Variants in NWD1 observed in about 807,000 individuals in gnomAD.
The protein encoded by NWD1 is NACHT domain- and WD repeat-containing protein 1.
A neutral mutation model predicts 135.1 loss-of-function variants in NWD1; 129 were observed. That is an observed-to-expected ratio of 0.96 (90% CI 0.83 to 1.11). The LOEUF is 1.11. Among genes scored for constraint, NWD1 ranks in the 50% least tolerant of loss-of-function variants. The pLI, the probability that NWD1 is intolerant of heterozygous loss-of-function variation, is 0.00. For synonymous variants in NWD1, 773 were observed against 786.0 expected, an observed-to-expected ratio of 0.98 and a Z score of 0.28; for missense variants, 1,740 against 1,851.3, an observed-to-expected ratio of 0.94 and a Z score of 1.10.
chr19:16,800,379 C>A (rs989100239), intron 17 of NWD1, among the ~76,000 whole-genome samples: 6 of 152,004 alleles, frequency 3.9e-5, no homozygotes, highest in Non-Finnish European at 7.4e-5. Context: ...ACTAAAAATA[C>A]AAAAGTTAGC....
Position 16,799,948 on chromosome 19 carries a change from G to A in NWD1, c.3522G>A (p.Val1174=), listed in dbSNP as rs1206379273. The A allele has an allele frequency of 2.5e-6, 4 of 1,614,028 alleles. No homozygotes were observed. The highest frequency in any genetic ancestry group is 3.3e-5 in the Admixed American group (2 of 59,994). The change falls in exon 17 of 19, where the codon GTG becomes GTA. Residue 1174 remains valine, a synonymous_variant. Coordinates refer to ENST00000524140, the MANE Select transcript of NWD1 (RefSeq NM_001007525.5). Reference sequence around the variant, plus strand: ...TCCTGGAAGGCGTCGGGGCCCCCGTGAGCCTGCTGGCCCGCGGCGGGGCTT... The same window carrying A: ...TCCTGGAAGGCGTCGGGGCCCCCGTAAGCCTGCTGGCCCGCGGCGGGGCTT... ...LDILEGVGAP[V]SLLARGGALV...
intron 11 of NWD1, among the ~76,000 whole-genome samples, chr19:16,776,837 G>A (rs1257145682): frequency 2.0e-5 from 3 of 146,984 alleles, no homozygotes; most frequent in Admixed American, 6.8e-5. Context: ...AGCTACTCAG[G>A]AGGCTAAGAT....
intron 10 of NWD1, 95 bp downstream of exon 10, chr19:16,765,287 A>G: frequency 8.1e-7 from 1 of 1,240,714 alleles, no homozygotes. Context: ...ATTTTCATCA[A>G]TTCTCATACC....
At position 16,786,106 on chromosome 19, in the gene NWD1, T is replaced by A. The variant is rs146575213; in HGVS notation, c.2732-2876T>A. Among the ~76,000 whole-genome samples the A allele has an allele frequency of 5.4e-3, 825 of 152,140 alleles. 6 individuals are homozygous for A. The highest frequency in any genetic ancestry group is 6.9e-3 in the Non-Finnish European group (469 of 67,984). ...TCTCGAACCCCTGACCTCAACTGAT[T>A]CACCCACCTTGGCCTTCCAAAGTGT... On this transcript the variant is annotated intron_variant, in intron 12 of 18. Coordinates refer to ENST00000524140, the MANE Select transcript of NWD1 (RefSeq NM_001007525.5).
In NWD1 at chr19:16,815,278, G is replaced by C; in HGVS notation, c.*239G>C. ...AGGACTTGGAGTCAGAAAGTGCCCA[G>C]GGAAATGAAACCAAATCAAACAAAT... On this transcript the variant is annotated 3_prime_UTR_variant, in exon 19 of 19. Transcript: ENST00000524140. 1 of 781,080 alleles carries C rather than the reference G, an allele frequency of 1.3e-6. No homozygotes were observed. The highest frequency in any genetic ancestry group is 2.4e-6 in the Non-Finnish European group (1 of 418,218). The allele number at this position is 781,080 out of a possible 1,614,324, so 48.4% of individuals were successfully genotyped here. A position where few individuals can be genotyped will look rare whatever the true frequency, so the allele number is the denominator to read the frequency against.
At chr19:16,788,749 TA>T (rs1970141515) in intron 12 of NWD1, among the ~76,000 whole-genome samples, 2 of 152,084 alleles carry the variant, frequency 1.3e-5, no homozygotes, top group Admixed American at 1.3e-4. Context: ...TTTTTTCTGT[TA>T]TTAGGCATAC....
intron 11 of NWD1, among the ~76,000 whole-genome samples, chr19:16,776,624 T>C (rs967940071): frequency 2.0e-5 from 3 of 147,590 alleles, no homozygotes; most frequent in African/African-American, 7.5e-5. Flanking sequence ...ACACAATGAG[T>C]GCATAAGAAA....
At chr19:16,731,305 T>G in intron 3 of NWD1, 27 bp downstream of exon 3, 1 of 1,400,454 alleles carries the variant, frequency 7.1e-7, no homozygotes, top group Non-Finnish European at 9.8e-7. Flanking sequence ...CCGGGCTCCA[T>G]GCTTTTTTTA....
At position 16,754,026 on chromosome 19, in the gene NWD1, T is replaced by TATCC. The variant is rs57643593; in HGVS notation, c.1769+3641_1769+3644dup. On this transcript the variant is annotated intron_variant, in intron 6 of 18. Coordinates refer to ENST00000524140, the MANE Select transcript of NWD1 (RefSeq NM_001007525.5). ...TTATCCATCATCTCTATCTTCCATC[T>TATCC]ATCCATCCATCCATCCATCCATCCA... Among the ~76,000 whole-genome samples, 167 of 144,814 alleles carry TATCC rather than the reference T, an allele frequency of 1.2e-3. 1 individual carries two copies. The highest frequency in any genetic ancestry group is 2.3e-3 in the African/African-American group (89 of 38,772).
rs773179323 is a variant in NWD1, at chr19:16,744,669, G to A, written c.447G>A (p.Arg149=). The A allele has an allele frequency of 1.6e-5, 25 of 1,535,944 alleles. No homozygotes were observed. The highest frequency in any genetic ancestry group is 1.8e-5 in the Non-Finnish European group (21 of 1,146,898). Residue 149 remains arginine, a synonymous_variant, in exon 5 of 19, where the codon CGG becomes CGA. Transcript: ENST00000524140. ...TACGCTCTGGAGCCCAGGAGGCCCG[G>A]AGGCTGGGGCTCATCACCCAGGAGC... ...SVLRSGAQEA[R]RLGLITQEQW...
chr19:16,755,553 T>C (rs1014842927), intron 6 of NWD1, among the ~76,000 whole-genome samples: 1 of 151,632 alleles, frequency 6.6e-6, no homozygotes, highest in Non-Finnish European at 1.5e-5. Context: ...CATGCCTGGC[T>C]AATTTTTGTA....
intron 17 of NWD1, among the ~76,000 whole-genome samples, chr19:16,802,340 G>C (rs987317117): frequency 6.6e-6 from 1 of 150,828 alleles, no homozygotes; most frequent in African/African-American, 2.4e-5. Context: ...TTCACCTGTA[G>C]TCTCAGCTAC....
At chr19:16,809,207 C>T (rs1055495815) in intron 18 of NWD1, among the ~76,000 whole-genome samples, 6 of 151,738 alleles carry the variant, frequency 4.0e-5, no homozygotes, top group Non-Finnish European at 8.8e-5. Flanking sequence ...CCTCGGCCTC[C>T]CAAGTAGCTG....
chr19:16,735,889 G>A (rs1967790243), intron 3 of NWD1, among the ~76,000 whole-genome samples: 1 of 126,168 alleles, frequency 7.9e-6, no homozygotes, highest in Non-Finnish European at 1.6e-5. Context: ...AGGAAGGAAG[G>A]AAGGAAGGAT....
At chr19:16,755,028 CCTAT>C (rs1271663242) in intron 6 of NWD1, among the ~76,000 whole-genome samples, 1 of 152,126 alleles carries the variant, frequency 6.6e-6, no homozygotes, top group African/African-American at 2.4e-5. Flanking sequence ...TCTGTCTATA[CCTAT>C]CTAACTCTAT....
chr19:16,751,549 G>A (rs931293098), intron 6 of NWD1, among the ~76,000 whole-genome samples: 2 of 150,722 alleles, frequency 1.3e-5, no homozygotes, highest in Non-Finnish European at 3.0e-5. Context: ...GCTTTTAATC[G>A]CAGCACTTTG....
intron 2 of NWD1, among the ~76,000 whole-genome samples, chr19:16,728,991 T>G (rs1599421774): frequency 6.8e-6 from 1 of 146,184 alleles, no homozygotes; most frequent in Admixed American, 6.9e-5. Flanking sequence ...GTGGGCCAGG[T>G]GTGGTGGTTC....
intron 6 of NWD1, among the ~76,000 whole-genome samples, chr19:16,755,852 GTA>G (rs1968774341): frequency 6.6e-6 from 1 of 152,078 alleles, no homozygotes; most frequent in South Asian, 2.1e-4. Flanking sequence ...ATCTATCTCT[GTA>G]TATACAGTTG....
chr19:16,813,103 C>T lies in NWD1; in HGVS notation c.4288-1925C>T, dbSNP rs144308827. On this transcript the variant is annotated intron_variant, in intron 18 of 18. Transcript: ENST00000524140. ...GGCTTCCTGCATACAGCCATCCTTCCGAGGATAGACTGGGCTCCTGGTGTG... is the reference window on the plus strand; with the variant it reads ...GGCTTCCTGCATACAGCCATCCTTCTGAGGATAGACTGGGCTCCTGGTGTG... Among the ~76,000 whole-genome samples the T allele has an allele frequency of 4.9e-3, 750 of 152,242 alleles. 3 individuals are homozygous for T. Among genetic ancestry groups the T allele is most frequent in the Middle Eastern group, 0.02 (6 of 294 alleles).
Sources: gnomAD v4.1 joint callset for allele counts (sites outside exome capture counted in the v4.1 genomes callset) on GRCh38, gnomAD v4.1.1 for gene constraint, MANE v1.5 for transcripts, NCBI Gene and HGNC (gene_info 2026-07-23, HGNC 2026-07-21) for gene names.